Variants in CYFIP1 observed in about 807,000 individuals in gnomAD.
CYFIP1 encodes cytoplasmic FMR1-interacting protein 1.
CYFIP1 carries 58 observed loss-of-function variants against 163.5 expected under a neutral mutation model. That is an observed-to-expected ratio of 0.35 (90% CI 0.29 to 0.44). The LOEUF (loss-of-function observed/expected upper bound fraction) is 0.44, where lower values mean the gene tolerates loss of function less well. Among genes scored for constraint, CYFIP1 ranks in the 20% least tolerant of loss-of-function variants. CYFIP1 has a pLI of 1.00. For missense variants in CYFIP1, 1,338 were observed against 1,653.8 expected (o/e 0.81, Z 3.31); for synonymous variants, 663 against 660.7 (o/e 1.00, Z -0.05).
intron 21 of CYFIP1, 115 bp downstream of exon 21, chr15:22,909,079 A>G (rs2060691850): frequency 7.5e-7 from 1 of 1,328,318 alleles, no homozygotes; most frequent in Non-Finnish European, 1.1e-6. Context: ...TTTATTATCT[A>G]TACAAGAGGC....
chr15:22,918,201 G>A (rs1043512708), intron 14 of CYFIP1, among the ~76,000 whole-genome samples: 3 of 152,180 alleles, frequency 2.0e-5, no homozygotes, highest in African/African-American at 7.2e-5. Context: ...CAGTGAGGTG[G>A]CTCTGAGTCA....
At chr15:22,895,605 A>G (rs555280854) in intron 22 of CYFIP1, among the ~76,000 whole-genome samples, 1 of 152,278 alleles carries the variant, frequency 6.6e-6, no homozygotes, top group Non-Finnish European at 1.5e-5. Context: ...GACTGGTATC[A>G]CGGGGCCACA....
chr15:22,887,517 T>G (rs904835261), intron 23 of CYFIP1, among the ~76,000 whole-genome samples: 1 of 152,172 alleles, frequency 6.6e-6, no homozygotes, highest in Non-Finnish European at 1.5e-5. Flanking sequence ...AATGACCTCA[T>G]GTTACAAGTG....
At chr15:22,913,590 G>T (rs1595583818) in intron 17 of CYFIP1, among the ~76,000 whole-genome samples, 1 of 106,768 alleles carries the variant, frequency 9.4e-6, no homozygotes, top group African/African-American at 3.5e-5. Flanking sequence ...ACCAACGGAA[G>T]TACATAGACA....
At chr15:22,976,370 C>A (rs559376029) in intron 1 of CYFIP1, among the ~76,000 whole-genome samples, 18 of 152,150 alleles carry the variant, frequency 1.2e-4, no homozygotes, top group Non-Finnish European at 2.4e-4. Context: ...GTTGGCCAGG[C>A]TGGTCTCGAA....
chr15:22,914,694 A>G (rs1363504208), intron 17 of CYFIP1, 32 bp downstream of exon 17: 4 of 1,580,758 alleles, frequency 2.5e-6, no homozygotes, highest in Admixed American at 1.8e-5. Flanking sequence ...CACCACACAC[A>G]AAGGCTGGAG....
intron 1 of CYFIP1, among the ~76,000 whole-genome samples, chr15:22,960,536 C>G (rs1223882900): frequency 6.6e-6 from 1 of 152,198 alleles, no homozygotes; most frequent in Non-Finnish European, 1.5e-5. Context: ...CGGGTCTTCA[C>G]GAAAACTGTG....
chr15:22,979,658 C>T (rs1447081932), intron 1 of CYFIP1, among the ~76,000 whole-genome samples: 1 of 152,158 alleles, frequency 6.6e-6, no homozygotes, highest in Non-Finnish European at 1.5e-5. Flanking sequence ...ATTAAGCTCA[C>T]GCATTTCAGC....
At chr15:22,978,492 G>A (rs1193745548) in intron 1 of CYFIP1, among the ~76,000 whole-genome samples, 1 of 150,384 alleles carries the variant, frequency 6.6e-6, no homozygotes, top group East Asian at 2.0e-4. Flanking sequence ...ATCATTAAGT[G>A]AAAAATGTAT....
chr15:22,933,820 T>G lies in CYFIP1; in HGVS notation c.974A>C (p.Tyr325Ser). 1 of 1,613,086 alleles carries G rather than the reference T, an allele frequency of 6.2e-7. No individual in the cohort carries two copies. ...CTCCTACCGAGATTTATTTTCCTCGTAGTGGGCGCTGGTCTTGATATATCT... is the reference window on the plus strand; with the variant it reads ...CTCCTACCGAGATTTATTTTCCTCGGAGTGGGCGCTGGTCTTGATATATCT... ...LARYIKTSAH[Y>S]EENKSRWTCT... Residue 325 changes from tyrosine to serine, a missense_variant, in exon 10 of 31, where the codon TAC (tyrosine) becomes TCC (serine). Physicochemically the swap from Tyr to Ser is moderately radical, Grantham distance 144. Around this residue, in one of 4 missense-constraint regions of CYFIP1, gnomAD observed 824 missense variants for 995.7 expected, o/e 0.83. Coordinates refer to ENST00000617928, the MANE Select transcript of CYFIP1 (RefSeq NM_014608.6).
intron 1 of CYFIP1, among the ~76,000 whole-genome samples, chr15:22,953,431 C>T (rs954880108): frequency 1.1e-4 from 16 of 152,308 alleles, no homozygotes; most frequent in African/African-American, 3.6e-4. Flanking sequence ...ACTCCAGCCG[C>T]CTGCACCCTG....
chr15:22,917,202 T>G lies in CYFIP1; in HGVS notation c.1675-572A>C, dbSNP rs956573256. The stretch of plus-strand genomic sequence containing the variant: ...CTCCTGCAGAGCCAGCAGCGTGCAT[T>G]GCTGGTGACTTTCCAGAAGAGTGGC... On this transcript the variant is annotated intron_variant, in intron 15 of 30. Coordinates refer to ENST00000617928, the MANE Select transcript of CYFIP1 (RefSeq NM_014608.6). The surrounding 1 kb of genome is among the most constrained non-coding windows in gnomAD (Gnocchi z 4.2). 5.8e-5 allele frequency: 82 copies of G among 1,420,768 alleles called. No individual in the cohort carries two copies. Among genetic ancestry groups the G allele is most frequent in the Non-Finnish European group, 7.0e-5 (77 of 1,094,610 alleles). The allele number at this position is 1,420,768 out of a possible 1,614,324, so 88.0% of individuals were successfully genotyped here.
intron 13 of CYFIP1, among the ~76,000 whole-genome samples, chr15:22,925,029 A>T (rs2061313530): frequency 1.3e-5 from 2 of 152,118 alleles, no homozygotes. Flanking sequence ...GGTTTTTAAC[A>T]TTTTTATTAC....
At chr15:22,870,275 T>C (rs771454421) in intron 30 of CYFIP1, 83 bp from the exon 31 acceptor site, 8 of 1,475,994 alleles carry the variant, frequency 5.4e-6, no homozygotes, top group Non-Finnish European at 5.5e-6. Context: ...GATTCTTATA[T>C]TTTCTCAGAA....
chr15:22,880,631 C>T (rs2141874030), intron 25 of CYFIP1, among the ~76,000 whole-genome samples: 1 of 152,312 alleles, frequency 6.6e-6, no homozygotes, highest in African/African-American at 2.4e-5. Flanking sequence ...CCAGCCCAGA[C>T]AGAAACCGGC....
chr15:22,902,257 C>T (rs181319489), intron 22 of CYFIP1, among the ~76,000 whole-genome samples: 85 of 152,340 alleles, frequency 5.6e-4, no homozygotes, highest in Admixed American at 1.9e-3. Context: ...AGCAGCTGCA[C>T]GCATGGCACT....
chr15:22,901,846 G>A (rs1229644430), intron 22 of CYFIP1, among the ~76,000 whole-genome samples: 2 of 152,222 alleles, frequency 1.3e-5, no homozygotes, highest in African/African-American at 2.4e-5. Flanking sequence ...GCCTTTCCCA[G>A]ATAACACAGC....
chr15:22,946,712 G>C, intron 3 of CYFIP1: 3 of 582,014 alleles, frequency 5.2e-6, no homozygotes, highest in South Asian at 4.8e-5. Context: ...CACATACCTG[G>C]TGTGTGTGGG....
intron 26 of CYFIP1, chr15:22,875,530 A>C: frequency 2.3e-6 from 1 of 441,958 alleles, no homozygotes; most frequent in Non-Finnish European, 4.1e-6. Context: ...TTTTAGTTAC[A>C]TTTAATTAAT....
Sources: allele counts gnomAD v4.1 joint callset (sites outside exome capture counted in the v4.1 genomes callset), GRCh38; gene constraint gnomAD v4.1.1; regional missense constraint gnomAD v4.1.1; non-coding constraint Gnocchi (gnomAD v3.1); transcripts MANE v1.5; gene names NCBI Gene and HGNC (gene_info 2026-07-23, HGNC 2026-07-21).